UST: variants seen among roughly 807,000 people sequenced by gnomAD.
UST encodes chondroitin sulfate 2-O-sulfotransferase.
Under a neutral mutation model 45.6 loss-of-function variants are expected in UST, and 21 were observed. The ratio of observed to expected loss-of-function variants is 0.46; its 90% confidence interval spans 0.33 to 0.66. The LOEUF (loss-of-function observed/expected upper bound fraction) is 0.66, where lower values mean the gene tolerates loss of function less well. Among genes scored for constraint, UST ranks in the 30% least tolerant of loss-of-function variants. The pLI, the probability that UST is intolerant of heterozygous loss-of-function variation, is 0.02. For missense variants in UST, 463 were observed against 512.4 expected, an observed-to-expected ratio of 0.90 and a Z score of 0.93; for synonymous variants, 215 against 200.6, an observed-to-expected ratio of 1.07 and a Z score of -0.61.
At chr6:148,876,565 GC>G (rs1187909905) in intron 1 of UST, among the ~76,000 whole-genome samples, 2 of 152,016 alleles carry the variant, frequency 1.3e-5, no homozygotes, top group Non-Finnish European at 2.9e-5. Flanking sequence ...CAACCCCTGG[GC>G]CATGTTCTTT....
At chr6:149,012,690 T>A (rs1285522915) in intron 5 of UST, among the ~76,000 whole-genome samples, 3 of 152,088 alleles carry the variant, frequency 2.0e-5, no homozygotes, top group Non-Finnish European at 4.4e-5. Context: ...TTTTGCATAA[T>A]ACCGTTTGTG....
chr6:148,783,917 A>G (rs544534790), intron 1 of UST, among the ~76,000 whole-genome samples: 23 of 152,316 alleles, frequency 1.5e-4, no homozygotes, highest in African/African-American at 4.8e-4. Flanking sequence ...ATGATGAGCT[A>G]CAAGATTCAA....
intron 5 of UST, among the ~76,000 whole-genome samples, chr6:149,016,309 T>A (rs962065669): frequency 2.0e-4 from 30 of 152,340 alleles, no homozygotes; most frequent in Non-Finnish European, 3.7e-4. Flanking sequence ...GGAAGTGGCC[T>A]TCTTAGGCCC....
intron 5 of UST, among the ~76,000 whole-genome samples, chr6:148,985,177 T>C (rs931584364): frequency 6.6e-6 from 1 of 152,178 alleles, no homozygotes; most frequent in Admixed American, 6.5e-5. Context: ...GTGCTGAATA[T>C]GTGGAATTGG....
intron 1 of UST, among the ~76,000 whole-genome samples, chr6:148,803,329 C>T (rs1777085744): frequency 6.6e-6 from 1 of 152,146 alleles, no homozygotes; most frequent in South Asian, 2.1e-4. Flanking sequence ...TCGGTTCTTA[C>T]CATTCCTGGG....
chr6:148,761,948 A>G (rs910458258), intron 1 of UST, among the ~76,000 whole-genome samples: 9 of 152,238 alleles, frequency 5.9e-5, no homozygotes, highest in African/African-American at 1.9e-4. Flanking sequence ...AAACGATTCC[A>G]GAAAACCACA....
rs184297412 is a variant in UST at position 149,019,292 on chromosome 6, C to T, written c.779+56C>T. The T allele has an allele frequency of 3.7e-6, 5 of 1,350,364 alleles. No homozygotes were observed. The African/African-American group carries it at 7.2e-5, about 19-fold the overall frequency. The allele number at this position is 1,350,364 out of a possible 1,614,324, so 83.6% of individuals were successfully genotyped here. On this transcript the variant is annotated intron_variant, in intron 6 of 7. Coordinates refer to ENST00000367463, the MANE Select transcript of UST (RefSeq NM_005715.3). Reference sequence around the variant, plus strand: ...CGTACGCACAACAAGGGCAAGAACCCCACCAGCCTGGTACTCGGTGGGAAT... The same window carrying T: ...CGTACGCACAACAAGGGCAAGAACCTCACCAGCCTGGTACTCGGTGGGAAT...
intron 7 of UST, among the ~76,000 whole-genome samples, chr6:149,058,758 C>T (rs1466015819): frequency 6.6e-6 from 1 of 151,984 alleles, no homozygotes; most frequent in African/African-American, 2.4e-5. Context: ...AGTAATTCTC[C>T]CAATAAGTTT....
chr6:148,989,376 A>G (rs1781304899), intron 5 of UST, among the ~76,000 whole-genome samples: 1 of 152,212 alleles, frequency 6.6e-6, no homozygotes, highest in Non-Finnish European at 1.5e-5. Context: ...CCAAGTCCTG[A>G]ATTTCTATTA....
chr6:148,859,446 C>A (rs1582857380), intron 1 of UST, among the ~76,000 whole-genome samples: 1 of 152,106 alleles, frequency 6.6e-6, no homozygotes, highest in South Asian at 2.1e-4. Context: ...TGTAGGTTGC[C>A]TGTTCACTCT....
chr6:148,804,129 C>T (rs75281625), intron 1 of UST, among the ~76,000 whole-genome samples: 4,016 of 152,250 alleles, frequency 0.026, 69 homozygotes, highest in Middle Eastern at 0.044. Flanking sequence ...GGCAACTGGC[C>T]TCCTTTTGAA....
At chr6:148,898,854 T>G (rs1779188125) in intron 2 of UST, among the ~76,000 whole-genome samples, 1 of 152,204 alleles carries the variant, frequency 6.6e-6, no homozygotes, top group Admixed American at 6.5e-5. Flanking sequence ...AATCATGAGC[T>G]TAACTGGTTG....
At chr6:148,959,879 G>A (rs1369656501) in intron 4 of UST, among the ~76,000 whole-genome samples, 1 of 151,910 alleles carries the variant, frequency 6.6e-6, no homozygotes, top group Non-Finnish European at 1.5e-5. Context: ...CAGAGGAGAT[G>A]GAAGTGCCCA....
chr6:148,814,854 T>C (rs1408368021), intron 1 of UST, among the ~76,000 whole-genome samples: 1 of 152,318 alleles, frequency 6.6e-6, no homozygotes, highest in East Asian at 1.9e-4. Flanking sequence ...GGTCAGCCCC[T>C]GTTGTTTCTG....
chr6:149,033,638 G>T (rs115600234), intron 7 of UST, among the ~76,000 whole-genome samples: 1 of 152,100 alleles, frequency 6.6e-6, no homozygotes, highest in Non-Finnish European at 1.5e-5. Context: ...AAGAAGAGAG[G>T]GTTGTTTGTC....
intron 1 of UST, among the ~76,000 whole-genome samples, chr6:148,833,508 G>A (rs190608830): frequency 2.6e-5 from 4 of 151,998 alleles, no homozygotes; most frequent in Non-Finnish European, 4.4e-5. Flanking sequence ...ACCAAAAAAC[G>A]AACCCCAACT....
At chr6:148,973,773 C>T (rs1159814208) in intron 5 of UST, among the ~76,000 whole-genome samples, 1 of 152,146 alleles carries the variant, frequency 6.6e-6, no homozygotes, top group Non-Finnish European at 1.5e-5. Context: ...GATCTCCAAA[C>T]GTGTTCTTCA....
chr6:149,002,890 A>G (rs895263547), intron 5 of UST, among the ~76,000 whole-genome samples: 2 of 152,250 alleles, frequency 1.3e-5, no homozygotes, highest in Non-Finnish European at 1.5e-5. Flanking sequence ...GATATTCTAT[A>G]TAAGTATTAG....
intron 7 of UST, among the ~76,000 whole-genome samples, chr6:149,050,265 C>G (rs1776463912): frequency 6.6e-6 from 1 of 152,214 alleles, no homozygotes; most frequent in Non-Finnish European, 1.5e-5. Flanking sequence ...CACCCTCCTC[C>G]TCACAAGTCA....
Sources: allele counts gnomAD v4.1 joint callset (sites outside exome capture counted in the v4.1 genomes callset), GRCh38; gene constraint gnomAD v4.1.1; transcripts MANE v1.5; gene names NCBI Gene and HGNC (gene_info 2026-07-23, HGNC 2026-07-21).